CYLC1: variants seen among roughly 807,000 people sequenced by gnomAD.
The protein encoded by CYLC1 is cylicin 1.
CYLC1 carries 2 observed loss-of-function variants against 31.6 expected under a neutral mutation model. The ratio of observed to expected loss-of-function variants is 0.06; its 90% confidence interval spans 0.03 to 0.20. The LOEUF (loss-of-function observed/expected upper bound fraction) is 0.20, where lower values mean the gene tolerates loss of function less well. CYLC1 is among the 10% of genes least tolerant of loss of function. CYLC1 has a pLI of 1.00. For synonymous variants in CYLC1, 185 were observed against 153.0 expected (o/e 1.21, Z -1.54); for missense variants, 595 against 424.1 (o/e 1.40, Z -3.54).
Position 83,873,020 on chromosome X carries a change from T to C in CYLC1, c.312T>C (p.Tyr104=), listed in dbSNP as rs1340501709. 8.3e-7 allele frequency: 1 copy of C among 1,205,602 alleles called. No homozygotes were observed. Among genetic ancestry groups the C allele is most frequent in the Admixed American group, 2.2e-5 (1 of 45,340 alleles). ...AACAGACTCCATTCAGACATCTTTA[T>C]ACTTCCAAAACCCATCTTAAAAAAG... The part of the protein sequence containing the change: ...AREQTPFRHL[Y]TSKTHLKKAE... Residue 104 remains tyrosine (Y), a synonymous_variant, in exon 4 of 5, where the codon TAT becomes TAC. Coordinates refer to ENST00000329312, the MANE Select transcript of CYLC1 (RefSeq NM_021118.3).
intron 4 of CYLC1, among the ~76,000 whole-genome samples, chrX:83,876,467 G>T (rs767079241): frequency 7.2e-5 from 8 of 111,137 alleles, no homozygotes; most frequent in African/African-American, 2.6e-4. Context: ...TTGAATACAA[G>T]GATTAATTTT....
At chrX:83,879,251 A>G (rs1307992535) in intron 4 of CYLC1, among the ~76,000 whole-genome samples, 2 of 110,586 alleles carry the variant, frequency 1.8e-5, no homozygotes, top group Non-Finnish European at 3.8e-5. Flanking sequence ...CCACTTTCTG[A>G]TGCCAAATCC....
intron 1 of CYLC1, among the ~76,000 whole-genome samples, chrX:83,861,963 T>A (rs2031513533): frequency 9.0e-6 from 1 of 111,090 alleles, no homozygotes; most frequent in Non-Finnish European, 1.9e-5. Flanking sequence ...ATGAAAAAAA[T>A]TCAATTAATG....
chrX:83,877,909 AATATATATATATATATAAATATAAAT>A (rs2031799061), intron 4 of CYLC1, among the ~76,000 whole-genome samples: 1 of 21,007 alleles, frequency 4.8e-5, no homozygotes, highest in Non-Finnish European at 1.3e-4. Context: ...AATATATATA[AATATATATATATATATAAATATAAAT>A]ATATATATTT....
In CYLC1 at chrX:83,872,715, TCTTA is replaced by T. The variant is rs763495580; in HGVS notation, c.178-169_178-166del. ...AGTTATATGTCTCTTTCTGTCTCTCTCTTACACACACACACACACACACACACAC... is the reference window on the plus strand; with the variant it reads ...AGTTATATGTCTCTTTCTGTCTCTCTCACACACACACACACACACACACAC... On this transcript the variant is annotated intron_variant, in intron 3 of 4. Transcript: ENST00000329312. Among the ~76,000 whole-genome samples the T allele has an allele frequency of 8.0e-3, 462 of 57,646 alleles. 1 individual carries two copies. Among genetic ancestry groups the T allele is most frequent in the South Asian group, 0.036 (38 of 1,044 alleles). The allele number at this position is 57,646 out of a possible 115,157, so 50.1% of individuals were successfully genotyped here. A position where few individuals can be genotyped will look rare whatever the true frequency, so the allele number is the denominator to read the frequency against.
rs767967119 is a variant in CYLC1 at position 83,873,542 on chromosome X, GAAGTATACA to G, written c.847_855del (p.Tyr283_Lys285del). The G allele has an allele frequency of 2.3e-5, 27 of 1,195,624 alleles. No individual in the cohort carries two copies. Among genetic ancestry groups the G allele is most frequent in the African/African-American group, 1.6e-4 (9 of 56,335 alleles). On this transcript the variant is annotated inframe_deletion, in exon 4 of 5. Transcript: ENST00000329312. Reference sequence around the variant, plus strand: ...AGAATAATTCAAAGAATTATTCTTTGAAGTATACAAAGTATACAAAGAAGGACACAAAAA... The same window carrying G: ...AGAATAATTCAAAGAATTATTCTTTGAAGTATACAAAGAAGGACACAAAAA...
chrX:83,864,438 T>C (rs2031563176), intron 1 of CYLC1, among the ~76,000 whole-genome samples: 1 of 111,047 alleles, frequency 9.0e-6, no homozygotes, highest in African/African-American at 3.3e-5. Context: ...AAATCCCTTT[T>C]CCTTCACAGC....
chrX:83,864,405 T>A (rs763806181), intron 1 of CYLC1, among the ~76,000 whole-genome samples: 29 of 110,975 alleles, frequency 2.6e-4, no homozygotes, highest in Non-Finnish European at 5.5e-4. Context: ...TCCTACCACT[T>A]AAAAATCCCT....
intron 1 of CYLC1, among the ~76,000 whole-genome samples, chrX:83,867,919 G>T (rs6622820): frequency 0.051 from 5,651 of 111,265 alleles, 198 homozygotes; most frequent in East Asian, 0.21. Context: ...ATTGTTGAAT[G>T]AAAAATTTAG....
intron 1 of CYLC1, among the ~76,000 whole-genome samples, chrX:83,868,974 A>G (rs1273177799): frequency 9.0e-6 from 1 of 110,783 alleles, no homozygotes. Context: ...ATTTGAAAAT[A>G]ATTGCTACAT....
At chrX:83,875,742 C>G (rs951976793) in intron 4 of CYLC1, among the ~76,000 whole-genome samples, 1 of 111,395 alleles carries the variant, frequency 9.0e-6, no homozygotes, top group Non-Finnish European at 1.9e-5. Flanking sequence ...TATCAAGTCC[C>G]TATTCTACAT....
chrX:83,874,507 T>A lies in CYLC1; in HGVS notation c.1799T>A (p.Val600Asp), dbSNP rs2031731157. Reference protein sequence around the residue: ...EKGEKASTGRVPPSREKPPLP... With the variant: ...EKGEKASTGRDPPSREKPPLP... ...GGGGAAAAAGCAAGTACAGGTAGAG[T>A]TCCTCCATCAAGAGAAAAACCACCA... The change falls in exon 4 of 5, where the codon GTT becomes GAT. Residue 600 changes from valine to aspartate, a missense_variant. Coordinates refer to ENST00000329312, the MANE Select transcript of CYLC1 (RefSeq NM_021118.3). 1 of 1,208,725 alleles carries A rather than the reference T, an allele frequency of 8.3e-7. No individual in the cohort carries two copies. The highest frequency in any genetic ancestry group is 1.1e-6 in the Non-Finnish European group (1 of 894,242).
Position 83,873,340 on chromosome X carries a change from C to T in CYLC1, c.632C>T (p.Thr211Ile), listed in dbSNP as rs778429839. ...KDSKNSKKTN[T>I]EFLHTKNNPK... The stretch of plus-strand genomic sequence containing the variant: ...TCAAAGAATTCCAAGAAGACAAACA[C>T]TGAATTCCTACATACAAAGAACAAT... The change falls in exon 4 of 5, where the codon ACT (threonine) becomes ATT (isoleucine). Residue 211 changes from threonine (T) to isoleucine (I), a missense_variant. Thr to Ile is a moderately conservative substitution (Grantham distance 89, BLOSUM62 -1). Coordinates refer to ENST00000329312, the MANE Select transcript of CYLC1 (RefSeq NM_021118.3). The T allele has an allele frequency of 1.7e-6, 2 of 1,200,937 alleles. No individual in the cohort carries two copies. The highest frequency in any genetic ancestry group is 2.2e-5 in the Admixed American group (1 of 45,075).
chrX:83,878,412 AATATATATAAAT>A (rs1240926480), intron 4 of CYLC1, among the ~76,000 whole-genome samples: 311 of 24,880 alleles, frequency 0.013, 24 homozygotes, highest in Non-Finnish European at 0.018. Context: ...AATATATATA[AATATATATAAAT>A]ATATATATAA....
In CYLC1 at chrX:83,874,187, G is replaced by A. The variant is rs1299323370; in HGVS notation, c.1479G>A (p.Lys493=). 1 of 1,202,472 alleles carries A rather than the reference G, an allele frequency of 8.3e-7. No individual in the cohort carries two copies. Among genetic ancestry groups the A allele is most frequent in the Admixed American group, 2.2e-5 (1 of 44,966 alleles). ...STEMESDLEL[K]KDKKHSKEKK... is the part of the protein sequence containing the mutation. Reference sequence around the variant, plus strand: ...AAATGGAATCTGATTTGGAGTTAAAGAAGGACAAGAAACACTCAAAGGAAA... The same window carrying A: ...AAATGGAATCTGATTTGGAGTTAAAAAAGGACAAGAAACACTCAAAGGAAA... The change falls in exon 4 of 5, where the codon AAG becomes AAA. Residue 493 remains lysine (K), a synonymous_variant. Transcript: ENST00000329312.
At chrX:83,880,835 A>G (rs1322614898) in intron 4 of CYLC1, among the ~76,000 whole-genome samples, 2 of 111,379 alleles carry the variant, frequency 1.8e-5, no homozygotes, top group Non-Finnish European at 3.8e-5. Context: ...AAAGAAACCA[A>G]CGTATTAGAA....
Position 83,873,621 on chromosome X carries a change from G to A in CYLC1, c.913G>A (p.Asp305Asn). The change falls in exon 4 of 5, where the codon GAT becomes AAT. Residue 305 changes from aspartate (D) to asparagine (N), a missense_variant. Asp to Asn is a conservative substitution (Grantham distance 23). Transcript: ENST00000329312. ...TGATGCTGAATCTGAAGACTCAAAG[G>A]ATGCTAAGAAAGATTCAAAGAAAGT... ...SSDAESEDSK[D>N]AKKDSKKVKK... 1.7e-6 allele frequency: 2 copies of A among 1,192,822 alleles called. No homozygotes were observed. The highest frequency in any genetic ancestry group is 3.0e-5 in the East Asian group (1 of 33,645).
intron 4 of CYLC1, among the ~76,000 whole-genome samples, chrX:83,883,221 A>G (rs1017019374): frequency 2.7e-5 from 3 of 111,387 alleles, no homozygotes; most frequent in African/African-American, 9.8e-5. Flanking sequence ...GTTGATATTA[A>G]TATTGTGTTC....
At chrX:83,884,167 C>T (rs1205444980) in intron 4 of CYLC1, among the ~76,000 whole-genome samples, 1 of 111,640 alleles carries the variant, frequency 9.0e-6, no homozygotes, top group Non-Finnish European at 1.9e-5. Flanking sequence ...AGCATGATGA[C>T]AGGCTAAGGA....
Sources: allele counts gnomAD v4.1 joint callset (sites outside exome capture counted in the v4.1 genomes callset), GRCh38; gene constraint gnomAD v4.1.1; transcripts MANE v1.5; gene names NCBI Gene and HGNC (gene_info 2026-07-23, HGNC 2026-07-21).